Variants in HERC1 observed in about 807,000 individuals in gnomAD.
HERC1 encodes the protein probable E3 ubiquitin-protein ligase HERC1.
In HERC1, 160 loss-of-function variants were observed where a neutral mutation model predicts 554.3. The ratio of observed to expected loss-of-function variants is 0.29; its 90% confidence interval spans 0.25 to 0.33. The LOEUF (loss-of-function observed/expected upper bound fraction) is 0.33. HERC1 is among the 10% of genes least tolerant of loss of function. The pLI is 1.00. For missense variants in HERC1, 4,919 were observed against 5,918.5 expected (o/e 0.83, Z 5.54); for synonymous variants, 2,175 against 2,131.7 (o/e 1.02, Z -0.56).
chr15:63,723,284 A>G lies in HERC1; in HGVS notation c.3640T>C (p.Leu1214=), dbSNP rs770341624. The part of the protein sequence containing the change: ...NEEQKPFDYK[L]RPEIAVYVDL... ...ACATAGACAGCAATTTCAGGCCGCA[A>G]TTTATAATCAAAAGGCTTCTGTTCT... Residue 1214 remains leucine (L), a synonymous_variant, in exon 19 of 78, where the codon TTG becomes CTG. Coordinates refer to ENST00000443617, the MANE Select transcript of HERC1 (RefSeq NM_003922.4). 3 of 1,598,018 alleles carry G rather than the reference A, an allele frequency of 1.9e-6. No individual in the cohort carries two copies. The South Asian group carries it at 3.4e-5, about 18-fold the overall frequency.
chr15:63,822,334 C>T (rs1432651350), intron 1 of HERC1, among the ~76,000 whole-genome samples: 1 of 152,050 alleles, frequency 6.6e-6, no homozygotes, highest in Non-Finnish European at 1.5e-5. Flanking sequence ...GCCTGCAATC[C>T]CAGCACTTTG....
At chr15:63,801,445 T>C (rs2076984238) in intron 1 of HERC1, among the ~76,000 whole-genome samples, 1 of 152,170 alleles carries the variant, frequency 6.6e-6, no homozygotes, top group South Asian at 2.1e-4. Flanking sequence ...ATCTGGAAAG[T>C]TGAAGAACTG....
At position 63,672,539 on chromosome 15, in the gene HERC1, G is replaced by C; in HGVS notation, c.8002C>G (p.Pro2668Ala). Residue 2668 changes from proline to alanine, a missense_variant, in exon 39 of 78, where the codon CCT becomes GCT. Pro to Ala is a conservative substitution (Grantham distance 27). Coordinates refer to ENST00000443617, the MANE Select transcript of HERC1 (RefSeq NM_003922.4). ...TTPVTDTETV[P>A]ASESPGVMPL... ...ATCACTCCCGGGGACTCGGATGCAG[G>C]CACTGTTTCTGTGTCAGTGACTGGA... The C allele has an allele frequency of 1.2e-6, 2 of 1,608,228 alleles. No homozygotes were observed. Among genetic ancestry groups the C allele is most frequent in the Non-Finnish European group, 1.7e-6 (2 of 1,177,198 alleles).
intron 27 of HERC1, among the ~76,000 whole-genome samples, chr15:63,695,365 T>C (rs913025039): frequency 1.3e-5 from 2 of 149,758 alleles, no homozygotes; most frequent in African/African-American, 4.9e-5. Context: ...TGCTTGATAA[T>C]TGTTGAGTCT....
At chr15:63,665,690 A>G (rs1595924137) in intron 42 of HERC1, among the ~76,000 whole-genome samples, 1 of 152,198 alleles carries the variant, frequency 6.6e-6, no homozygotes, top group East Asian at 1.9e-4. Context: ...ATTTTACACA[A>G]AAATTATGAA....
At chr15:63,663,501 G>C (rs1176215381) in intron 43 of HERC1, among the ~76,000 whole-genome samples, 5 of 152,216 alleles carry the variant, frequency 3.3e-5, no homozygotes, top group African/African-American at 9.7e-5. Context: ...TGTCACTCAA[G>C]CTGGAGTGCA....
rs746490074 is a variant in HERC1 at position 63,651,376 on chromosome 15, C to T, written c.10423G>A (p.Gly3475Arg). The T allele has an allele frequency of 1.2e-6, 2 of 1,613,076 alleles. No homozygotes were observed. Among genetic ancestry groups the T allele is most frequent in the Admixed American group, 3.3e-5 (2 of 59,912 alleles). ...GATCCCAGGCTTTCCTCAGCATCCC[C>T]TTCCCTAGAATATAACAGACAGATA... ...QQTCVFNRLE[G>R]DAEESLGSPS... is the part of the protein sequence containing the mutation. The change falls in exon 53 of 78, where the codon GGG becomes AGG. Residue 3475 changes from glycine to arginine, a missense_variant. Around this residue, in one of 11 missense-constraint regions of HERC1, gnomAD observed 1,963 missense variants for 2,228.6 expected, o/e 0.88. Coordinates refer to ENST00000443617, the MANE Select transcript of HERC1 (RefSeq NM_003922.4).
intron 76 of HERC1, among the ~76,000 whole-genome samples, chr15:63,614,568 G>C (rs936615700): frequency 4.6e-5 from 7 of 152,196 alleles, no homozygotes; most frequent in Non-Finnish European, 1.0e-4. Context: ...CTAAGAAGGA[G>C]CTGGGAGTGA....
At position 63,638,725 on chromosome 15, in the gene HERC1, T is replaced by C; in HGVS notation, c.11953A>G (p.Thr3985Ala). 6.2e-7 allele frequency: 1 copy of C among 1,613,116 alleles called. No individual in the cohort carries two copies. The highest frequency in any genetic ancestry group is 8.5e-7 in the Non-Finnish European group (1 of 1,179,104). ...TCTTTACTGACCTCAGGTCTGGAAG[T>C]TGCCCAAGACATAATTTGTTCATCC... ...GMDEQIMSWATSRPEDWHLGG... is the reference protein window; with the variant it reads ...GMDEQIMSWAASRPEDWHLGG... Residue 3985 changes from threonine (T) to alanine (A), a missense_variant, in exon 62 of 78, where the codon ACT (threonine) becomes GCT (alanine). This residue lies in a region of HERC1 where 1,963 missense variants were observed against 2,228.6 expected (regional missense o/e 0.88). Coordinates refer to ENST00000443617, the MANE Select transcript of HERC1 (RefSeq NM_003922.4).
chr15:63,629,875 C>T (rs760288448), intron 69 of HERC1, among the ~76,000 whole-genome samples: 4 of 152,142 alleles, frequency 2.6e-5, no homozygotes, highest in African/African-American at 4.8e-5. Flanking sequence ...GCATCTCAGA[C>T]ATCTCACACC....
chr15:63,808,075 T>C (rs1180398647), intron 1 of HERC1, among the ~76,000 whole-genome samples: 1 of 151,850 alleles, frequency 6.6e-6, no homozygotes, highest in Non-Finnish European at 1.5e-5. Context: ...TTTCTTCTTT[T>C]GTATTCCTTT....
At chr15:63,708,202 C>T (rs1422652276) in intron 24 of HERC1, among the ~76,000 whole-genome samples, 1 of 152,048 alleles carries the variant, frequency 6.6e-6, no homozygotes, top group Non-Finnish European at 1.5e-5. Context: ...TTACATAGTA[C>T]CTTTGCCATG....
In HERC1 at chr15:63,706,030, CAAA is replaced by C. The variant is rs35213471; in HGVS notation, c.4636+747_4636+749del. 1.3e-4 allele frequency among the ~76,000 whole-genome samples: 6 copies of C among 46,804 alleles called. No individual in the cohort carries two copies. The East Asian group carries it at 2.8e-3, about 22-fold the overall frequency. The allele number at this position is 46,804 out of a possible 152,430, so 30.7% of individuals were successfully genotyped here. On this transcript the variant is annotated intron_variant, in intron 25 of 77. Transcript: ENST00000443617. ...GGACAACAAAGCAAGACCCTGTCTC[CAAA>C]AAAAAAAAAAAAAAAAAAAGCAGCA...
intron 37 of HERC1, among the ~76,000 whole-genome samples, chr15:63,676,237 T>C (rs1035340708): frequency 6.6e-6 from 1 of 152,124 alleles, no homozygotes; most frequent in Non-Finnish European, 1.5e-5. Flanking sequence ...CATAAATCCT[T>C]TCTGAAACAA....
At chr15:63,633,784 A>C in intron 67 of HERC1, 64 bp downstream of exon 67, 1 of 1,510,050 alleles carries the variant, frequency 6.6e-7, no homozygotes, top group South Asian at 1.2e-5. Context: ...AACTAATAAT[A>C]ACTACTGACA....
At chr15:63,740,137 T>G (rs1483700744) in intron 12 of HERC1, among the ~76,000 whole-genome samples, 2 of 152,140 alleles carry the variant, frequency 1.3e-5, no homozygotes, top group African/African-American at 4.8e-5. Flanking sequence ...CTCAAACTCC[T>G]GGACTCAAGT....
At chr15:63,683,044 G>T (rs2071557933) in intron 34 of HERC1, among the ~76,000 whole-genome samples, 1 of 150,552 alleles carries the variant, frequency 6.6e-6, no homozygotes, top group African/African-American at 2.4e-5. Flanking sequence ...GCTGAGGCGG[G>T]AGAATCCCTT....
intron 1 of HERC1, among the ~76,000 whole-genome samples, chr15:63,824,183 T>C (rs778735352): frequency 1.3e-5 from 2 of 152,108 alleles, no homozygotes; most frequent in Non-Finnish European, 2.9e-5. Flanking sequence ...TTGAACACTG[T>C]TGGTGGAAAT....
At chr15:63,833,093 C>G (rs1329633486) in intron 1 of HERC1, among the ~76,000 whole-genome samples, 3 of 152,192 alleles carry the variant, frequency 2.0e-5, no homozygotes, top group African/African-American at 7.2e-5. Flanking sequence ...TCCCAGTAAC[C>G]TGCCACCCAT....
Sources: gnomAD v4.1 joint callset for allele counts (sites outside exome capture counted in the v4.1 genomes callset) on GRCh38, gnomAD v4.1.1 for gene constraint, gnomAD v4.1.1 regional missense constraint, MANE v1.5 for transcripts, NCBI Gene and HGNC (gene_info 2026-07-23, HGNC 2026-07-21) for gene names.